The following KLHL14 variants were observed in gnomAD, a reference collection of about 807,000 sequenced individuals.
KLHL14 encodes the protein kelch-like protein 14.
A neutral mutation model predicts 64.3 loss-of-function variants in KLHL14; 22 were observed. The observed-to-expected ratio is 0.34, with a 90% confidence interval of 0.24 to 0.49. The LOEUF (loss-of-function observed/expected upper bound fraction) is 0.49. Among genes scored for constraint, KLHL14 ranks in the 20% least tolerant of loss-of-function variants. The probability of loss-of-function intolerance (pLI) is 0.99; values close to 1 mark genes in which losing one functional copy is unlikely to be tolerated. For synonymous variants in KLHL14, 322 were observed against 333.4 expected (o/e 0.97, Z 0.37); for missense variants, 661 against 789.0 (o/e 0.84, Z 1.94).
chr18:32,749,878 T>C (rs2050242598), intron 2 of KLHL14, among the ~76,000 whole-genome samples: 1 of 152,074 alleles, frequency 6.6e-6, no homozygotes. Flanking sequence ...CAGTTCAGGC[T>C]GCGATAACAA....
At chr18:32,698,557 C>T (rs1051100845) in intron 3 of KLHL14, among the ~76,000 whole-genome samples, 2 of 152,038 alleles carry the variant, frequency 1.3e-5, no homozygotes, top group African/African-American at 2.4e-5. Context: ...TGAACATGAC[C>T]GCATTTATCA....
intron 5 of KLHL14, among the ~76,000 whole-genome samples, chr18:32,686,704 T>C (rs2049880818): frequency 6.6e-6 from 1 of 152,188 alleles, no homozygotes; most frequent in African/African-American, 2.4e-5. Flanking sequence ...ATTATCTAAA[T>C]ATCTAACATT....
chr18:32,734,710 T>C (rs972228984), intron 3 of KLHL14, among the ~76,000 whole-genome samples: 1 of 152,228 alleles, frequency 6.6e-6, no homozygotes, highest in Non-Finnish European at 1.5e-5. Context: ...CCTGGACATT[T>C]ATGTGTATTA....
chr18:32,758,169 C>T (rs1229519913), intron 2 of KLHL14, among the ~76,000 whole-genome samples: 1 of 151,924 alleles, frequency 6.6e-6, no homozygotes, highest in Non-Finnish European at 1.5e-5. Flanking sequence ...ATTGCCCAGG[C>T]TGGAGTGCAG....
At chr18:32,766,943 T>C (rs1417983537) in intron 2 of KLHL14, among the ~76,000 whole-genome samples, 2 of 152,168 alleles carry the variant, frequency 1.3e-5, no homozygotes, top group East Asian at 3.8e-4. Flanking sequence ...AACAAGTAAA[T>C]TCTCTTTTGA....
At chr18:32,738,893 A>C (rs1753364354) in intron 3 of KLHL14, among the ~76,000 whole-genome samples, 1 of 152,194 alleles carries the variant, frequency 6.6e-6, no homozygotes, top group African/African-American at 2.4e-5. Flanking sequence ...TAAGATCTAA[A>C]GAAAACTAGC....
intron 3 of KLHL14, among the ~76,000 whole-genome samples, chr18:32,708,018 T>C (rs1213460530): frequency 1.3e-5 from 2 of 152,268 alleles, no homozygotes; most frequent in East Asian, 3.9e-4. Flanking sequence ...CTTTTCAAGG[T>C]ACAACCTACA....
At chr18:32,676,441 C>T (rs1372342558) in intron 8 of KLHL14, among the ~76,000 whole-genome samples, 2 of 152,114 alleles carry the variant, frequency 1.3e-5, no homozygotes, top group Non-Finnish European at 2.9e-5. Flanking sequence ...TTGAAAAATA[C>T]ATCTTTTTTA....
At chr18:32,734,246 C>T (rs2050151903) in intron 3 of KLHL14, 1 of 702,672 alleles carries the variant, frequency 1.4e-6, no homozygotes, top group African/African-American at 1.7e-5. Context: ...GGTCCTGTGA[C>T]TGAGAAGAAA....
chr18:32,756,452 A>C (rs1324231827), intron 2 of KLHL14, among the ~76,000 whole-genome samples: 2 of 152,156 alleles, frequency 1.3e-5, no homozygotes, highest in Non-Finnish European at 2.9e-5. Context: ...TTTCAAAAAA[A>C]ACCTTTCTAA....
chr18:32,702,346 T>G (rs1038799269), intron 3 of KLHL14, among the ~76,000 whole-genome samples: 6 of 140,300 alleles, frequency 4.3e-5, no homozygotes, highest in East Asian at 3.9e-4. Flanking sequence ...TTTTTGTTTT[T>G]TTTTTTTTTA....
intron 4 of KLHL14, among the ~76,000 whole-genome samples, chr18:32,690,156 C>G (rs1207360113): frequency 6.6e-6 from 1 of 152,068 alleles, no homozygotes; most frequent in African/African-American, 2.4e-5. Flanking sequence ...GCCATAGAAG[C>G]TAAGCTCAGT....
At chr18:32,771,048 G>A (rs1254234268) in intron 1 of KLHL14, 4 of 314,552 alleles carry the variant, frequency 1.3e-5, no homozygotes, top group Admixed American at 4.2e-5. Context: ...GGGAAAGGCC[G>A]GGAAGTGGGG....
Position 32,761,393 on chromosome 18 carries a change from C to CTT in KLHL14, c.947+8250_947+8251dup, listed in dbSNP as rs10676001. ...CTTGCCACAAATGTAGCCACACATC[C>CTT]TTTTTTTTTTTTTTTTTTTAAGTTC... On this transcript the variant is annotated intron_variant, in intron 2 of 8. Transcript: ENST00000359358. 5.7e-4 allele frequency among the ~76,000 whole-genome samples: 73 copies of CTT among 127,066 alleles called. 8 individuals are homozygous for CTT. The highest frequency in any genetic ancestry group is 1.3e-3 in the African/African-American group (40 of 31,964). The allele number at this position is 127,066 out of a possible 152,430, so 83.4% of individuals were successfully genotyped here. A position where few individuals can be genotyped will look rare whatever the true frequency, so the allele number is the denominator to read the frequency against.
chr18:32,726,190 T>G (rs902551406), intron 3 of KLHL14, among the ~76,000 whole-genome samples: 33 of 152,230 alleles, frequency 2.2e-4, no homozygotes, highest in African/African-American at 8.0e-4. Context: ...AGGTATAGTT[T>G]ATGGCTACTT....
intron 3 of KLHL14, among the ~76,000 whole-genome samples, chr18:32,721,234 C>T (rs2050078246): frequency 1.3e-5 from 2 of 152,140 alleles, no homozygotes; most frequent in Admixed American, 1.3e-4. Context: ...GGGCAAAACC[C>T]ACATTTGACA....
chr18:32,708,221 T>C (rs1183392879), intron 3 of KLHL14, among the ~76,000 whole-genome samples: 1 of 152,184 alleles, frequency 6.6e-6, no homozygotes, highest in Non-Finnish European at 1.5e-5. Flanking sequence ...TTTCCTCTGG[T>C]TGGGGCCAAT....
At chr18:32,743,414 AG>A in intron 2 of KLHL14, 1 of 152,184 alleles carries the variant, frequency 6.6e-6, no homozygotes, top group African/African-American at 2.4e-5. Context: ...TGTGGAAGGA[AG>A]GGAACAAGAG....
chr18:32,758,948 G>T (rs2050298561), intron 2 of KLHL14, among the ~76,000 whole-genome samples: 1 of 152,192 alleles, frequency 6.6e-6, no homozygotes, highest in Non-Finnish European at 1.5e-5. Flanking sequence ...GATGATGGTG[G>T]TGGTGAGGGA....
Sources: gnomAD v4.1 joint callset for allele counts (sites outside exome capture counted in the v4.1 genomes callset) on GRCh38, gnomAD v4.1.1 for gene constraint, MANE v1.5 for transcripts, NCBI Gene and HGNC (gene_info 2026-07-23, HGNC 2026-07-21) for gene names.